RABGAP1L: variants seen among roughly 807,000 people sequenced by gnomAD.
The protein encoded by RABGAP1L is RAB GTPase activating protein 1 like.
In RABGAP1L, 63 loss-of-function variants were observed where a neutral mutation model predicts 137.7. The ratio of observed to expected loss-of-function variants is 0.46; its 90% CI spans 0.37 to 0.56. RABGAP1L has a LOEUF of 0.56. Ranked by LOEUF, RABGAP1L falls within the 20% of genes least tolerant of loss-of-function variation. RABGAP1L has a pLI of 0.00. For missense variants in RABGAP1L, 1,095 were observed against 1,244.0 expected (o/e 0.88, Z 1.80); for synonymous variants, 431 against 433.7 (o/e 0.99, Z 0.08).
At chr1:174,243,106 TCTG>T (rs1558064061) in intron 5 of RABGAP1L, 1 of 152,100 alleles carries the variant, frequency 6.6e-6, no homozygotes, top group Non-Finnish European at 1.5e-5. Flanking sequence ...ACCTGGAAAA[TCTG>T]CTGCTTGGAG....
At position 174,915,171 on chromosome 1, in the gene RABGAP1L, A is replaced by T. The variant is rs1025882077; in HGVS notation, c.2341-42286A>T. ...AGTTTTTCTGTGAACATGTGTTTTCATTTCTCTTGGGTTGATGCCTAGGAG... is the reference window on the plus strand; with the variant it reads ...AGTTTTTCTGTGAACATGTGTTTTCTTTTCTCTTGGGTTGATGCCTAGGAG... On this transcript the variant is annotated intron_variant, in intron 19 of 25. Coordinates refer to ENST00000681986, the MANE Select transcript of RABGAP1L (RefSeq NM_001366446.1). Among the ~76,000 whole-genome samples, 6 of 152,142 alleles carry T rather than the reference A, an allele frequency of 3.9e-5. No homozygotes were observed. In the South Asian group the frequency reaches 6.2e-4, roughly 16 times the overall value.
intron 13 of RABGAP1L, among the ~76,000 whole-genome samples, chr1:174,423,134 C>G (rs1651539594): frequency 6.6e-6 from 1 of 151,846 alleles, no homozygotes; most frequent in Non-Finnish European, 1.5e-5. Flanking sequence ...TGAAAAAGAT[C>G]TAAAGGTACA....
chr1:174,829,766 TA>T lies in RABGAP1L; in HGVS notation c.2340+17807del, dbSNP rs1691912230. On this transcript the variant is annotated intron_variant, in intron 19 of 25. Transcript: ENST00000681986. ...AATAGATCACAAATGATAGACTAGTTATTTCCATCTTTATGTATGAAGTTAT... is the reference window on the plus strand; with the variant it reads ...AATAGATCACAAATGATAGACTAGTTTTTCCATCTTTATGTATGAAGTTAT... Among the ~76,000 whole-genome samples the T allele has an allele frequency of 1.3e-5, 2 of 148,584 alleles. 1 individual carries two copies. Among genetic ancestry groups the T allele is most frequent in the Non-Finnish European group, 3.0e-5 (2 of 66,754 alleles).
intron 11 of RABGAP1L, among the ~76,000 whole-genome samples, chr1:174,342,417 C>T (rs1682051970): frequency 6.6e-6 from 1 of 152,030 alleles, no homozygotes; most frequent in Non-Finnish European, 1.5e-5. Context: ...AATTAGCTAA[C>T]GTGATTCTCT....
chr1:174,637,338 A>G (rs1159437839), intron 13 of RABGAP1L, 37 bp from the exon 14 acceptor site: 6 of 1,446,292 alleles, frequency 4.1e-6, no homozygotes, highest in Non-Finnish European at 5.8e-6. Flanking sequence ...AACTGGGAAA[A>G]AATTTAATAA....
At chr1:174,989,226 C>G (rs1299999303) in intron 25 of RABGAP1L, among the ~76,000 whole-genome samples, 1 of 152,186 alleles carries the variant, frequency 6.6e-6, no homozygotes, top group Non-Finnish European at 1.5e-5. Context: ...GACACCCGTT[C>G]TTTCCTTTAG....
intron 13 of RABGAP1L, among the ~76,000 whole-genome samples, chr1:174,499,304 A>G (rs58063264): frequency 0.078 from 11,942 of 152,278 alleles, 658 homozygotes; most frequent in East Asian, 0.32. Flanking sequence ...AATTAATAGC[A>G]TAGTAGAAAG....
intron 11 of RABGAP1L, among the ~76,000 whole-genome samples, chr1:174,351,909 C>A (rs979525767): frequency 6.6e-6 from 1 of 152,160 alleles, no homozygotes; most frequent in African/African-American, 2.4e-5. Context: ...TCATGCCATT[C>A]TCTTGCCTCA....
intron 17 of RABGAP1L, among the ~76,000 whole-genome samples, chr1:174,706,486 G>A (rs1308761622): frequency 6.6e-6 from 1 of 152,024 alleles, no homozygotes; most frequent in African/African-American, 2.4e-5. Flanking sequence ...TGTTTAGCAA[G>A]TCTAAATGTA....
intron 10 of RABGAP1L, among the ~76,000 whole-genome samples, chr1:174,302,984 A>G (rs930491492): frequency 2.6e-5 from 4 of 152,186 alleles, no homozygotes; most frequent in Non-Finnish European, 4.4e-5. Context: ...GATGAAAATT[A>G]ACAAGGTTGT....
chr1:174,795,628 CA>C (rs1688188377), intron 18 of RABGAP1L, among the ~76,000 whole-genome samples: 1 of 152,216 alleles, frequency 6.6e-6, no homozygotes, highest in Non-Finnish European at 1.5e-5. Flanking sequence ...TGTAGTGGCA[CA>C]ATAGTGGCTC....
chr1:174,164,360 G>A (rs755043389), intron 1 of RABGAP1L, among the ~76,000 whole-genome samples: 19 of 152,124 alleles, frequency 1.2e-4, no homozygotes, highest in Non-Finnish European at 2.2e-4. Flanking sequence ...ATACATGAAG[G>A]ACACCAGGAG....
intron 13 of RABGAP1L, among the ~76,000 whole-genome samples, chr1:174,515,374 C>T (rs1384510783): frequency 6.6e-6 from 1 of 152,002 alleles, no homozygotes; most frequent in Non-Finnish European, 1.5e-5. Flanking sequence ...AATGTGTGTC[C>T]CTGTGTTTGT....
chr1:174,327,992 T>TATATATATATATACATAC (rs1680655396), intron 11 of RABGAP1L, among the ~76,000 whole-genome samples: 1 of 57,594 alleles, frequency 1.7e-5, no homozygotes, highest in African/African-American at 8.1e-5. Flanking sequence ...CACACATATA[T>TATATATATATATACATAC]ATATATATAT....
intron 19 of RABGAP1L, among the ~76,000 whole-genome samples, chr1:174,898,899 A>G (rs904298159): frequency 2.6e-5 from 4 of 152,240 alleles, no homozygotes; most frequent in Admixed American, 2.0e-4. Flanking sequence ...ACAGTCTAGC[A>G]GGCAAGATTG....
chr1:174,319,069 T>C (rs1679695691), intron 11 of RABGAP1L, among the ~76,000 whole-genome samples: 1 of 152,114 alleles, frequency 6.6e-6, no homozygotes, highest in Admixed American at 6.6e-5. Context: ...TGTACTTACT[T>C]TTTTCAGTAA....
intron 11 of RABGAP1L, among the ~76,000 whole-genome samples, chr1:174,314,194 A>G (rs1679144416): frequency 6.6e-6 from 1 of 152,132 alleles, no homozygotes; most frequent in Admixed American, 6.5e-5. Context: ...AGTACTTGTT[A>G]TTAGTCTATT....
intron 18 of RABGAP1L, among the ~76,000 whole-genome samples, chr1:174,797,079 C>T (rs538839470): frequency 1.1e-4 from 17 of 152,138 alleles, no homozygotes; most frequent in Non-Finnish European, 1.9e-4. Flanking sequence ...TTTTTGTGAG[C>T]ATCAGAGCCA....
intron 13 of RABGAP1L, among the ~76,000 whole-genome samples, chr1:174,625,506 T>C (rs1672882080): frequency 6.6e-6 from 1 of 152,148 alleles, no homozygotes; most frequent in Admixed American, 6.5e-5. Flanking sequence ...TGATCTCAGA[T>C]CACTGGAGCC....
Sources: allele counts gnomAD v4.1 joint callset (sites outside exome capture counted in the v4.1 genomes callset), GRCh38; gene constraint gnomAD v4.1.1; transcripts MANE v1.5; gene names NCBI Gene and HGNC (gene_info 2026-07-23, HGNC 2026-07-21).